Variants in MAP3K4 observed in about 807,000 individuals in gnomAD.
The protein encoded by MAP3K4 is MAP three kinase 1.
In MAP3K4, 67 loss-of-function variants were observed where a neutral mutation model predicts 185.6. The observed-to-expected ratio is 0.36, with a 90% confidence interval of 0.30 to 0.44. MAP3K4 has a LOEUF of 0.44. Ranked by LOEUF, MAP3K4 falls within the 20% of genes least tolerant of loss-of-function variation. The probability of loss-of-function intolerance (pLI) is 1.00; values close to 1 mark genes in which losing one functional copy is unlikely to be tolerated. For synonymous variants in MAP3K4, 702 were observed against 710.4 expected (o/e 0.99, Z 0.19); for missense variants, 1,551 against 1,995.1 (o/e 0.78, Z 4.24).
rs562151661 is a variant in MAP3K4, at chr6:161,068,492, C to T, written c.1708-2116C>T. ...CAGGAGATAAGGATCAAGATCTATG[C>T]AGAGACCTGGCCATTAGGCTAAATA... On this transcript the variant is annotated intron_variant, in intron 3 of 26. Coordinates refer to ENST00000392142, the MANE Select transcript of MAP3K4 (RefSeq NM_005922.4). 3.3e-3 allele frequency among the ~76,000 whole-genome samples: 508 copies of T among 152,302 alleles called. 2 individuals are homozygous for T. Among genetic ancestry groups the T allele is most frequent in the Non-Finnish European group, 6.2e-3 (419 of 68,024 alleles).
chr6:160,994,553 G>A (rs1181214637), intron 1 of MAP3K4, among the ~76,000 whole-genome samples: 1 of 152,110 alleles, frequency 6.6e-6, no homozygotes, highest in East Asian at 1.9e-4. Flanking sequence ...ATTTAGGTTG[G>A]TTCCATATTT....
intron 3 of MAP3K4, among the ~76,000 whole-genome samples, chr6:161,060,812 G>C (rs2114790913): frequency 1.3e-5 from 2 of 152,058 alleles, no homozygotes; most frequent in South Asian, 4.2e-4. Flanking sequence ...GTAGAGACGG[G>C]TTTACACCAT....
intron 23 of MAP3K4, among the ~76,000 whole-genome samples, chr6:161,111,444 C>T (rs773036276): frequency 5.3e-5 from 8 of 152,220 alleles, no homozygotes; most frequent in Non-Finnish European, 1.2e-4. Context: ...GCGTGTGCAG[C>T]TCTCATCTAC....
At chr6:161,024,516 A>C (rs1782549276) in intron 1 of MAP3K4, among the ~76,000 whole-genome samples, 1 of 152,138 alleles carries the variant, frequency 6.6e-6, no homozygotes, top group Non-Finnish European at 1.5e-5. Flanking sequence ...GTGTCTCCTT[A>C]GCCTCGTTGG....
Position 161,043,549 on chromosome 6 carries a change from A to G in MAP3K4, c.344-5067A>G, listed in dbSNP as rs560098909. Among the ~76,000 whole-genome samples the G allele has an allele frequency of 5.9e-5, 9 of 152,322 alleles. No individual in the cohort carries two copies. In the South Asian group the frequency reaches 1.5e-3, roughly 25 times the overall value. ...CTGTTCTGACATTAACCATGTGTCT[A>G]ACCATCTGTGTTCTGTGATAATCTT... is the stretch of plus-strand genomic sequence containing the variant. On this transcript the variant is annotated intron_variant, in intron 2 of 26. Transcript: ENST00000392142. This position sits in a 1 kb window ranked among gnomAD's most constrained non-coding sequence, Gnocchi z 4.3.
In MAP3K4 at chr6:161,037,669, C is replaced by T. The variant is rs1056362805; in HGVS notation, c.343+3220C>T. On this transcript the variant is annotated intron_variant, in intron 2 of 26. Transcript: ENST00000392142. The surrounding 1 kb of genome is among the most constrained non-coding windows in gnomAD (Gnocchi z 4.2). The stretch of plus-strand genomic sequence containing the variant: ...CTGACCTCAGGTGATCCACCTGCCT[C>T]AGTCTCCCAAAGTGCTGGGATTATA... 6.6e-6 allele frequency among the ~76,000 whole-genome samples: 1 copy of T among 152,188 alleles called. No homozygotes were observed. The highest frequency in any genetic ancestry group is 1.5e-5 in the Non-Finnish European group (1 of 68,024).
At chr6:161,018,922 G>A (rs368034946) in intron 1 of MAP3K4, among the ~76,000 whole-genome samples, 2 of 152,310 alleles carry the variant, frequency 1.3e-5, no homozygotes. Context: ...TGCTGGGTGG[G>A]ATATCAACAG....
chr6:161,012,723 G>A (rs190448159), intron 1 of MAP3K4, among the ~76,000 whole-genome samples: 18 of 152,182 alleles, frequency 1.2e-4, no homozygotes, highest in Admixed American at 5.2e-4. Context: ...GAGAAAAGAC[G>A]TTGTGAAAGA....
chr6:161,031,890 T>C (rs1263013191), intron 1 of MAP3K4, among the ~76,000 whole-genome samples: 1 of 152,196 alleles, frequency 6.6e-6, no homozygotes, highest in Non-Finnish European at 1.5e-5. Flanking sequence ...ACATTCCTCC[T>C]CACCACAAAG....
chr6:161,063,835 A>T lies in MAP3K4; in HGVS notation c.1708-6773A>T, dbSNP rs932068449. ...AGCTTTTCATAGAGCACTCATCATG[A>T]CTTGGGAATTGCCTCTTTACGCCCT... On this transcript the variant is annotated intron_variant, in intron 3 of 26. Coordinates refer to ENST00000392142, the MANE Select transcript of MAP3K4 (RefSeq NM_005922.4). This position sits in a 1 kb window ranked among gnomAD's most constrained non-coding sequence, Gnocchi z 5.4. 1.3e-5 allele frequency among the ~76,000 whole-genome samples: 2 copies of T among 152,072 alleles called. No homozygotes were observed. Among genetic ancestry groups the T allele is most frequent in the African/African-American group, 4.8e-5 (2 of 41,400 alleles).
intron 2 of MAP3K4, among the ~76,000 whole-genome samples, chr6:161,044,995 T>C (rs1783656850): frequency 6.6e-6 from 1 of 152,092 alleles, no homozygotes; most frequent in African/African-American, 2.4e-5. Flanking sequence ...CAGCATGAGA[T>C]TTGGAGGGGG....
intron 1 of MAP3K4, among the ~76,000 whole-genome samples, chr6:161,025,175 A>C (rs1782585142): frequency 6.6e-6 from 1 of 152,180 alleles, no homozygotes; most frequent in African/African-American, 2.4e-5. Context: ...CATACCTGGC[A>C]GTTCTGTTTT....
chr6:161,085,651 C>G (rs1332979195), intron 7 of MAP3K4, among the ~76,000 whole-genome samples: 1 of 152,202 alleles, frequency 6.6e-6, no homozygotes. Flanking sequence ...CACATGGTTT[C>G]TCACCTGGGA....
Position 161,081,001 on chromosome 6 carries a change from A to G in MAP3K4, c.2218A>G (p.Ile740Val), listed in dbSNP as rs762026224. 5.0e-6 allele frequency: 8 copies of G among 1,614,062 alleles called. No homozygotes were observed. Among genetic ancestry groups the G allele is most frequent in the Admixed American group, 1.7e-5 (1 of 59,994 alleles). ...WNFTKEITHY[I>V]RGGEAQAGKL... is the part of the protein sequence containing the mutation. ...TTTCACCAAAGAAATAACTCATTAC[A>G]TACGGGGAGGAGAAGCACAGGCCGG... The change falls in exon 6 of 27, where the codon ATA becomes GTA. Residue 740 changes from isoleucine to valine, a missense_variant. Ile to Val is a conservative substitution (Grantham distance 29). Transcript: ENST00000392142.
At chr6:161,006,002 G>A (rs1209027997) in intron 1 of MAP3K4, among the ~76,000 whole-genome samples, 1 of 152,150 alleles carries the variant, frequency 6.6e-6, no homozygotes, top group African/African-American at 2.4e-5. Flanking sequence ...TGGCCAGGCT[G>A]GTTTCGAATT....
At chr6:161,039,863 A>G (rs117072236) in intron 2 of MAP3K4, among the ~76,000 whole-genome samples, 2 of 152,348 alleles carry the variant, frequency 1.3e-5, no homozygotes, top group East Asian at 3.9e-4. Flanking sequence ...GGACATTTAA[A>G]GTAAGGTATT....
At chr6:160,992,850 T>G (rs1206184105) in intron 1 of MAP3K4, among the ~76,000 whole-genome samples, 3 of 152,166 alleles carry the variant, frequency 2.0e-5, no homozygotes, top group Non-Finnish European at 4.4e-5. Flanking sequence ...AAACTCACCA[T>G]AACTGAGAAT....
At chr6:161,006,438 C>G (rs1330873838) in intron 1 of MAP3K4, among the ~76,000 whole-genome samples, 1 of 152,144 alleles carries the variant, frequency 6.6e-6, no homozygotes, top group Non-Finnish European at 1.5e-5. Context: ...CAATCATATA[C>G]ATAGTAATTA....
Position 161,037,811 on chromosome 6 carries a change from A to T in MAP3K4, c.343+3362A>T, listed in dbSNP as rs1446385695. 2.0e-5 allele frequency among the ~76,000 whole-genome samples: 3 copies of T among 152,238 alleles called. No individual in the cohort carries two copies. The highest frequency in any genetic ancestry group is 4.8e-5 in the African/African-American group (2 of 41,460). Reference sequence around the variant, plus strand: ...ATAATTACATTGTTGACATATCCTTATTAAATGGTGTGCCCATTTTTAGGA... The same window carrying T: ...ATAATTACATTGTTGACATATCCTTTTTAAATGGTGTGCCCATTTTTAGGA... On this transcript the variant is annotated intron_variant, in intron 2 of 26. Transcript: ENST00000392142. The surrounding 1 kb of genome is among the most constrained non-coding windows in gnomAD (Gnocchi z 4.2).
Sources: allele counts gnomAD v4.1 joint callset (sites outside exome capture counted in the v4.1 genomes callset), GRCh38; gene constraint gnomAD v4.1.1; non-coding constraint Gnocchi (gnomAD v3.1); transcripts MANE v1.5; gene names NCBI Gene and HGNC (gene_info 2026-07-23, HGNC 2026-07-21).